The following NUP42 variants were observed in gnomAD, a reference collection of about 807,000 sequenced individuals.
NUP42 encodes nucleoporin 42, also known as nucleoporin NUP42.
Under a neutral mutation model 35.9 loss-of-function variants are expected in NUP42, and 47 were observed. The ratio of observed to expected loss-of-function variants is 1.31; its 90% CI spans 1.04 to 1.67. The LOEUF is 1.67. NUP42 is among the 40% of genes most tolerant of loss of function. The pLI is 0.00. For synonymous variants in NUP42, 173 were observed against 173.3 expected (o/e 1.00, Z 0.01); for missense variants, 514 against 492.2 (o/e 1.04, Z -0.42).
rs542294769 is a variant in NUP42 at position 23,197,407 on chromosome 7, T to A, written c.609+641T>A. On this transcript the variant is annotated intron_variant, in intron 5 of 6. Coordinates refer to ENST00000258742, the MANE Select transcript of NUP42 (RefSeq NM_007342.3). Reference sequence around the variant, plus strand: ...GTAATGTCTCCCTACACTTAGTGAATGGTTGACAGTCCCAACACCCCACCC... The same window carrying A: ...GTAATGTCTCCCTACACTTAGTGAAAGGTTGACAGTCCCAACACCCCACCC... 44 of 272,128 alleles carry A rather than the reference T, an allele frequency of 1.6e-4. 2 individuals carry two copies. The South Asian group carries it at 1.8e-3, about 11-fold the overall frequency. 16.9% of individuals were successfully genotyped at this position (272,128 alleles called of 1,614,324 possible). A position where few individuals can be genotyped will look rare whatever the true frequency, so the allele number is the denominator to read the frequency against.
chr7:23,185,044 T>C, intron 1 of NUP42, 26 bp from the exon 2 acceptor site: 1 of 1,554,240 alleles, frequency 6.4e-7, no homozygotes, highest in Non-Finnish European at 8.8e-7. Context: ...GCTAGTAAAA[T>C]TATTTTGTTT....
At chr7:23,182,274 C>T (rs1242324832) in intron 1 of NUP42, 68 bp downstream of exon 1, 9 of 1,534,766 alleles carry the variant, frequency 5.9e-6, no homozygotes, top group Non-Finnish European at 7.9e-6. Context: ...ACCGGGCGTC[C>T]CGCGTGTTTC....
In NUP42 at chr7:23,182,108, T is replaced by C. The variant is rs1322012832; in HGVS notation, c.23T>C (p.Leu8Pro). The C allele has an allele frequency of 6.2e-7, 1 of 1,614,102 alleles. No individual in the cohort carries two copies. Among genetic ancestry groups the C allele is most frequent in the East Asian group, 2.2e-5 (1 of 44,878 alleles). The change falls in exon 1 of 7, where the codon CTT (leucine) becomes CCT (proline). Residue 8 changes from leucine to proline, a missense_variant. Coordinates refer to ENST00000258742, the MANE Select transcript of NUP42 (RefSeq NM_007342.3). ...GCAATGGCCATTTGTCAATTCTTCC[T>C]TCAAGGCCGGTGCCGCTTTGGAGAT... MAICQFF[L>P]QGRCRFGDRC...
At chr7:23,191,971 A>G (rs1785808090) in intron 3 of NUP42, among the ~76,000 whole-genome samples, 1 of 152,224 alleles carries the variant, frequency 6.6e-6, no homozygotes, top group South Asian at 2.1e-4. Flanking sequence ...AATAAAAAAC[A>G]AGTTACAGCT....
At chr7:23,189,529 C>T (rs1412008404) in intron 3 of NUP42, among the ~76,000 whole-genome samples, 11 of 152,188 alleles carry the variant, frequency 7.2e-5, no homozygotes, top group Admixed American at 1.3e-4. Context: ...GTGGGGGGAT[C>T]ACTTGAGTTC....
At position 23,200,528 on chromosome 7, in the gene NUP42, C is replaced by G; in HGVS notation, c.1055C>G (p.Ser352Cys). Residue 352 changes from serine to cysteine, a missense_variant, in exon 7 of 7, where the codon TCT (serine) becomes TGT (cysteine). Coordinates refer to ENST00000258742, the MANE Select transcript of NUP42 (RefSeq NM_007342.3). ...VAGFGSPGSH[S>C]HTAFSKPSSD... ...GGTTTTGGTAGTCCGGGCTCACATT[C>G]TCACACTGCTTTTTCTAAGCCATCC... The G allele has an allele frequency of 6.2e-7, 1 of 1,614,122 alleles. No individual in the cohort carries two copies. The highest frequency in any genetic ancestry group is 1.1e-5 in the South Asian group (1 of 91,076).
chr7:23,190,029 T>C (rs1298449787), intron 3 of NUP42, among the ~76,000 whole-genome samples: 2 of 152,222 alleles, frequency 1.3e-5, no homozygotes, highest in Non-Finnish European at 2.9e-5. Flanking sequence ...ATTACAAAAT[T>C]ATGCATGGCT....
At chr7:23,193,542 G>T (rs771668563) in intron 3 of NUP42, among the ~76,000 whole-genome samples, 4 of 152,218 alleles carry the variant, frequency 2.6e-5, no homozygotes, top group Non-Finnish European at 5.9e-5. Context: ...TACACACAGG[G>T]TGCTGATTGG....
chr7:23,187,708 G>A (rs1228426026), intron 3 of NUP42, among the ~76,000 whole-genome samples: 2 of 143,086 alleles, frequency 1.4e-5, no homozygotes, highest in African/African-American at 5.3e-5. Flanking sequence ...CCAGGTTCAA[G>A]TGATTCTCCT....
intron 3 of NUP42, among the ~76,000 whole-genome samples, chr7:23,193,911 A>G (rs968262285): frequency 1.3e-5 from 2 of 152,236 alleles, no homozygotes; most frequent in African/African-American, 4.8e-5. Flanking sequence ...CAAGAAATCC[A>G]GCGCAGCGCC....
In NUP42 at chr7:23,200,251, G is replaced by A. The variant is rs1479004469; in HGVS notation, c.778G>A (p.Gly260Arg). 18 of 1,603,552 alleles carry A rather than the reference G, an allele frequency of 1.1e-5. No individual in the cohort carries two copies. Among genetic ancestry groups the A allele is most frequent in the Non-Finnish European group, 1.5e-5 (18 of 1,173,438 alleles). The change falls in exon 7 of 7, where the codon GGA becomes AGA. Residue 260 changes from glycine to arginine, a missense_variant. Transcript: ENST00000258742. The stretch of plus-strand genomic sequence containing the variant: ...CTCTGGATTTGCTGCTGCCTCTTCT[G>A]GAAGCCCTGCTGGTTTTGGGAGTTC... ...TNSGFAAASSGSPAGFGSSPA... is the reference protein window; with the variant it reads ...TNSGFAAASSRSPAGFGSSPA...
At chr7:23,191,496 G>A (rs1383488967) in intron 3 of NUP42, among the ~76,000 whole-genome samples, 1 of 152,022 alleles carries the variant, frequency 6.6e-6, no homozygotes, top group African/African-American at 2.4e-5. Context: ...GTGATTCCTA[G>A]GGTTTTTTGG....
intron 3 of NUP42, chr7:23,188,406 A>G (rs929966158): frequency 1.1e-5 from 11 of 983,700 alleles, no homozygotes; most frequent in Non-Finnish European, 4.8e-6. Flanking sequence ...ATTTCAGATA[A>G]TGATATTTTC....
At chr7:23,193,708 G>A (rs1485703391) in intron 3 of NUP42, among the ~76,000 whole-genome samples, 1 of 152,242 alleles carries the variant, frequency 6.6e-6, no homozygotes, top group East Asian at 1.9e-4. Context: ...GGAGCTACCC[G>A]CCAGTCCCGC....
rs149300316 is a variant in NUP42, at chr7:23,186,543, A to G, written c.351-509A>G. 1.4e-3 allele frequency among the ~76,000 whole-genome samples: 213 copies of G among 152,308 alleles called. 1 individual carries two copies. The highest frequency in any genetic ancestry group is 5.0e-3 in the African/African-American group (207 of 41,558). On this transcript the variant is annotated intron_variant, in intron 2 of 6. Transcript: ENST00000258742. ...CAAAATGTGAGAATTAGATAAAATG[A>G]TCTCTGAAGTCCTATAACCCACTTT...
rs776565063 is a variant in NUP42, at chr7:23,200,364, G to T, written c.891G>T (p.Ser297=). The T allele has an allele frequency of 1.9e-6, 3 of 1,613,210 alleles. No individual in the cohort carries two copies. The highest frequency in any genetic ancestry group is 2.7e-5 in the African/African-American group (2 of 74,934). Residue 297 remains serine (S), a synonymous_variant, in exon 7 of 7, where the codon TCG becomes TCT. Coordinates refer to ENST00000258742, the MANE Select transcript of NUP42 (RefSeq NM_007342.3). ...AFGFGKPEVT[S]AASFSFKSPA... ...GATTTGGGAAGCCTGAAGTCACATC[G>T]GCTGCATCATTTTCATTCAAAAGCC...
In NUP42 at chr7:23,195,864, A is replaced by G. The variant is rs1728327; in HGVS notation, c.471A>G (p.Glu157=). ...GTTTTACAGACATTTCACCAGAGGA[A>G]TTGAGGCTTGAATACCATAACTTCT... ...ISGFTDISPE[E]LRLEYHNFLT... is the part of the protein sequence containing the mutation. Residue 157 remains glutamate, a synonymous_variant, in exon 4 of 7, where the codon GAA becomes GAG. Coordinates refer to ENST00000258742, the MANE Select transcript of NUP42 (RefSeq NM_007342.3). 0.049 allele frequency: 77,744 copies of G among 1,601,602 alleles called. 2,579 individuals are homozygous for G. The highest frequency in any genetic ancestry group is 0.11 in the African/African-American group (8,364 of 74,348).
Position 23,200,490 on chromosome 7 carries a change from C to T in NUP42, c.1017C>T (p.Gly339=). ...CAGTGGCCCCAGCCTTTGGAGGTGGCAGTTCTGTGGCTGGTTTTGGTAGTC... is the reference window on the plus strand; with the variant it reads ...CAGTGGCCCCAGCCTTTGGAGGTGGTAGTTCTGTGGCTGGTTTTGGTAGTC... ...RAPVAPAFGG[G]SSVAGFGSPG... is the part of the protein sequence containing the mutation. Residue 339 remains glycine, a synonymous_variant, in exon 7 of 7, where the codon GGC becomes GGT. Coordinates refer to ENST00000258742, the MANE Select transcript of NUP42 (RefSeq NM_007342.3). 1 of 1,614,088 alleles carries T rather than the reference C, an allele frequency of 6.2e-7. No individual in the cohort carries two copies. Among genetic ancestry groups the T allele is most frequent in the Admixed American group, 1.7e-5 (1 of 60,022 alleles).
intron 1 of NUP42, 126 bp downstream of exon 1, chr7:23,182,332 T>C (rs1785436455): frequency 6.8e-7 from 1 of 1,473,686 alleles, no homozygotes; most frequent in African/African-American, 1.4e-5. Flanking sequence ...TTGCCGGCCC[T>C]ACTGGGCCCT....
Sources: allele counts gnomAD v4.1 joint callset (sites outside exome capture counted in the v4.1 genomes callset), GRCh38; gene constraint gnomAD v4.1.1; transcripts MANE v1.5; gene names NCBI Gene and HGNC (gene_info 2026-07-23, HGNC 2026-07-21).